MED27: variants seen among roughly 807,000 people sequenced by gnomAD.
MED27 encodes the protein mediator complex subunit 27, also known as mediator of RNA polymerase II transcription subunit 27.
A neutral mutation model predicts 38.2 loss-of-function variants in MED27; 30 were observed. The ratio of observed to expected loss-of-function variants is 0.79; its 90% CI spans 0.59 to 1.07. The LOEUF is 1.07. Ranked by LOEUF, MED27 falls within the 50% of genes least tolerant of loss-of-function variation. MED27 has a pLI of 0.00. For missense variants in MED27, 289 were observed against 397.5 expected (o/e 0.73, Z 2.32); for synonymous variants, 122 against 153.5 (o/e 0.79, Z 1.52).
intron 3 of MED27, among the ~76,000 whole-genome samples, chr9:131,993,938 C>T (rs1421736885): frequency 2.0e-5 from 3 of 152,126 alleles, no homozygotes; most frequent in Admixed American, 6.5e-5. Context: ...GATGGGATGG[C>T]GTCCTGTCCA....
chr9:132,014,218 A>G, intron 3 of MED27, 119 bp downstream of exon 3: 1 of 1,195,024 alleles, frequency 8.4e-7, no homozygotes, highest in Admixed American at 2.5e-5. Context: ...CTCCGTCTCA[A>G]AAAAAGGAAG....
intron 2 of MED27, among the ~76,000 whole-genome samples, chr9:132,063,909 C>T (rs1304524464): frequency 1.3e-5 from 2 of 152,166 alleles, no homozygotes; most frequent in Admixed American, 6.5e-5. Context: ...GTGGAAGAAA[C>T]TTGGAGAGGA....
chr9:131,905,831 T>C (rs1830051996), intron 4 of MED27, among the ~76,000 whole-genome samples: 2 of 151,730 alleles, frequency 1.3e-5, no homozygotes, highest in African/African-American at 4.8e-5. Flanking sequence ...GGACTGCAAA[T>C]TGTTCGCCCT....
intron 2 of MED27, among the ~76,000 whole-genome samples, chr9:132,050,768 C>A (rs9411434): frequency 0.65 from 98,176 of 152,004 alleles, 32,202 homozygotes; most frequent in Non-Finnish European, 0.7. Context: ...GACTCACCCC[C>A]GTCTTTCTGT....
chr9:131,930,578 T>C (rs140937655), intron 4 of MED27, among the ~76,000 whole-genome samples: 1 of 152,142 alleles, frequency 6.6e-6, no homozygotes, highest in East Asian at 1.9e-4. Context: ...ACCTGTGGGA[T>C]TTCATCACAC....
At chr9:131,881,195 A>G (rs1727858554) in intron 6 of MED27, among the ~76,000 whole-genome samples, 1 of 152,250 alleles carries the variant, frequency 6.6e-6, no homozygotes, top group Non-Finnish European at 1.5e-5. Context: ...TTCTCCTCAG[A>G]ATATTTTTCA....
intron 3 of MED27, among the ~76,000 whole-genome samples, chr9:131,948,457 G>A (rs1197418360): frequency 1.3e-5 from 2 of 151,068 alleles, no homozygotes; most frequent in Non-Finnish European, 2.9e-5. Flanking sequence ...ACTGCACTCC[G>A]GCCTGGGTGA....
chr9:131,902,504 C>T (rs1245471409), intron 4 of MED27, among the ~76,000 whole-genome samples: 1 of 152,014 alleles, frequency 6.6e-6, no homozygotes, highest in East Asian at 1.9e-4. Flanking sequence ...CTGTATCGAG[C>T]GGGACAGTAA....
intron 2 of MED27, among the ~76,000 whole-genome samples, chr9:132,070,393 C>T (rs1010037775): frequency 6.6e-6 from 1 of 152,046 alleles, no homozygotes; most frequent in Non-Finnish European, 1.5e-5. Context: ...CCCATCTCTA[C>T]AAAAAATTTA....
chr9:132,035,298 C>T lies in MED27; in HGVS notation c.349-20831G>A, dbSNP rs538586164. On this transcript the variant is annotated intron_variant, in intron 2 of 7. Coordinates refer to ENST00000292035, the MANE Select transcript of MED27 (RefSeq NM_004269.4). ...CAATAATGAATAATGAATATTAATA[C>T]ATCCTGAGTCAAATGTGCCTGGCAC... Among the ~76,000 whole-genome samples the T allele has an allele frequency of 6.6e-5, 10 of 152,290 alleles. No individual in the cohort carries two copies. In the South Asian group the frequency reaches 8.3e-4, roughly 13 times the overall value.
At chr9:131,952,405 T>C (rs1416234979) in intron 3 of MED27, among the ~76,000 whole-genome samples, 3 of 152,304 alleles carry the variant, frequency 2.0e-5, no homozygotes, top group East Asian at 3.9e-4. Flanking sequence ...TCACAGACCT[T>C]GTTCCTGGCG....
chr9:131,907,952 A>C lies in MED27; in HGVS notation c.574-13960T>G, dbSNP rs377118208. Among the ~76,000 whole-genome samples the C allele has an allele frequency of 1.4e-5, 2 of 139,948 alleles. 1 individual carries two copies. Among genetic ancestry groups the C allele is most frequent in the African/African-American group, 5.5e-5 (2 of 36,598 alleles). The allele number at this position is 139,948 out of a possible 152,430, so 91.8% of individuals were successfully genotyped here. ...AGGAGCGTCTCTGCCCGGCTGCCCC[A>C]TCTGAGAAGTGAGGAGACCCTCTGC... On this transcript the variant is annotated intron_variant, in intron 4 of 7. Transcript: ENST00000292035.
At chr9:131,910,337 C>T (rs986860906) in intron 4 of MED27, among the ~76,000 whole-genome samples, 1 of 152,014 alleles carries the variant, frequency 6.6e-6, no homozygotes, top group African/African-American at 2.4e-5. Context: ...TACATTGTAT[C>T]CCATTTGGAA....
rs1048828239 is a variant in MED27 at position 132,051,806 on chromosome 9, A to G, written c.348+25636T>C. The stretch of plus-strand genomic sequence containing the variant: ...ATCACATAAAGTTCTATTGGCGAGC[A>G]CTGCTCTGATCCCAGAAAATATGTC... On this transcript the variant is annotated intron_variant, in intron 2 of 7. Coordinates refer to ENST00000292035, the MANE Select transcript of MED27 (RefSeq NM_004269.4). The surrounding 1 kb of genome is among the most constrained non-coding windows in gnomAD (Gnocchi z 4.2). Among the ~76,000 whole-genome samples, 2 of 152,236 alleles carry G rather than the reference A, an allele frequency of 1.3e-5. No homozygotes were observed. Among genetic ancestry groups the G allele is most frequent in the African/African-American group, 4.8e-5 (2 of 41,460 alleles).
In MED27 at chr9:131,883,845, AC is replaced by A. The variant is rs1336455089; in HGVS notation, c.723+212del. ...TGCCCCTTTGGGGCCAAGTCCCTGT[AC>A]CCACCCTTAGGCAACCACGGATCTG... On this transcript the variant is annotated intron_variant, in intron 6 of 7. Transcript: ENST00000292035. This position sits in a 1 kb window ranked among gnomAD's most constrained non-coding sequence, Gnocchi z 4.2. Among the ~76,000 whole-genome samples, 1 of 152,118 alleles carries A rather than the reference AC, an allele frequency of 6.6e-6. No homozygotes were observed. Among genetic ancestry groups the A allele is most frequent in the Non-Finnish European group, 1.5e-5 (1 of 68,012 alleles).
chr9:131,925,910 A>G (rs2131558376), intron 4 of MED27, among the ~76,000 whole-genome samples: 1 of 152,364 alleles, frequency 6.6e-6, no homozygotes, highest in South Asian at 2.1e-4. Context: ...TGCGTTAGTG[A>G]TGACAGTGTG....
chr9:131,903,654 C>T (rs1369274268), intron 4 of MED27, among the ~76,000 whole-genome samples: 4 of 152,276 alleles, frequency 2.6e-5, no homozygotes, highest in East Asian at 3.9e-4. Flanking sequence ...TGCTATTGAG[C>T]GTCCACGAGA....
At chr9:131,897,945 C>T (rs1829862013) in intron 4 of MED27, among the ~76,000 whole-genome samples, 1 of 152,160 alleles carries the variant, frequency 6.6e-6, no homozygotes, top group African/African-American at 2.4e-5. Context: ...CTCCCAACCC[C>T]ATGTCCCCAT....
At chr9:131,930,704 C>A (rs528545061) in intron 4 of MED27, among the ~76,000 whole-genome samples, 1 of 152,114 alleles carries the variant, frequency 6.6e-6, no homozygotes, top group East Asian at 1.9e-4. Flanking sequence ...AGTGAGCACA[C>A]AGAAAAACAC....
Sources: gnomAD v4.1 joint callset for allele counts (sites outside exome capture counted in the v4.1 genomes callset) on GRCh38, gnomAD v4.1.1 for gene constraint, Gnocchi (gnomAD v3.1) non-coding constraint, MANE v1.5 for transcripts, NCBI Gene and HGNC (gene_info 2026-07-23, HGNC 2026-07-21) for gene names.